The following COL4A5 variants were observed in gnomAD, a reference collection of about 807,000 sequenced individuals.
COL4A5 encodes the protein collagen type IV alpha 5 chain.
A neutral mutation model predicts 130.2 loss-of-function variants in COL4A5; 26 were observed. That is an observed-to-expected ratio of 0.20 (90% CI 0.15 to 0.28). The LOEUF (loss-of-function observed/expected upper bound fraction) is 0.28. COL4A5 is among the 10% of genes least tolerant of loss of function. The pLI is 1.00. For missense variants in COL4A5, 1,131 were observed against 1,344.3 expected (o/e 0.84, Z 2.48); for synonymous variants, 496 against 439.6 (o/e 1.13, Z -1.60).
At chrX:108,517,965 G>A (rs190973226) in intron 1 of COL4A5, among the ~76,000 whole-genome samples, 1 of 109,412 alleles carries the variant, frequency 9.1e-6, no homozygotes, top group Admixed American at 9.8e-5. Flanking sequence ...AGTTCTTCTG[G>A]GGAGATATTT....
At chrX:108,570,784 C>T (rs1603279635) in intron 6 of COL4A5, among the ~76,000 whole-genome samples, 1 of 111,257 alleles carries the variant, frequency 9.0e-6, no homozygotes, top group Non-Finnish European at 1.9e-5. Flanking sequence ...CTAGGATTAC[C>T]GTGGCATACA....
intron 49 of COL4A5, chrX:108,689,471 A>G (rs2068610159): frequency 2.3e-5 from 17 of 750,317 alleles, no homozygotes; most frequent in Non-Finnish European, 2.7e-5. Flanking sequence ...GAATCCATGT[A>G]TTTTCTCTAA....
rs192335828 is a variant in COL4A5, at chrX:108,573,708, C to T, written c.546+54C>T. On this transcript the variant is annotated intron_variant, in intron 9 of 52. Coordinates refer to ENST00000328300, the MANE Select transcript of COL4A5 (RefSeq NM_033380.3). ...CTATATTGATTAAACCAGAAGATTA[C>T]AACAATCCCTCAACCTTTAGTACTC... 1.7e-4 allele frequency: 136 copies of T among 821,250 alleles called. 1 individual carries two copies. In the East Asian group the frequency reaches 4.0e-3, roughly 24 times the overall value. 67.7% of individuals were successfully genotyped at this position (821,250 alleles called of 1,213,427 possible). A position where few individuals can be genotyped will look rare whatever the true frequency, so the allele number is the denominator to read the frequency against.
chrX:108,640,637 G>A (rs976076206), intron 36 of COL4A5, among the ~76,000 whole-genome samples: 6 of 111,189 alleles, frequency 5.4e-5, no homozygotes, highest in Non-Finnish European at 1.1e-4. Flanking sequence ...CGTTTGGGTT[G>A]ATAAAAAAAA....
At chrX:108,618,926 A>G (rs888491586) in intron 30 of COL4A5, among the ~76,000 whole-genome samples, 4 of 110,852 alleles carry the variant, frequency 3.6e-5, no homozygotes, top group Admixed American at 2.9e-4. Context: ...CCCTTATTTT[A>G]TAGAACTGCT....
intron 26 of COL4A5, 44 bp from the exon 27 acceptor site, chrX:108,601,841 T>TAATTGAAG (rs1462417215): frequency 1.2e-6 from 1 of 833,336 alleles, no homozygotes; most frequent in African/African-American, 2.1e-5. Context: ...TGATGGCTTC[T>TAATTGAAG]TTCTTTGAAC....
At chrX:108,648,274 C>CA in intron 36 of COL4A5, among the ~76,000 whole-genome samples, 1 of 109,794 alleles carries the variant, frequency 9.1e-6, no homozygotes, top group Admixed American at 9.7e-5. Flanking sequence ...AAATTACCAA[C>CA]AAAAAAAAGT....
At chrX:108,449,131 C>T (rs1350903941) in intron 1 of COL4A5, among the ~76,000 whole-genome samples, 1 of 111,873 alleles carries the variant, frequency 8.9e-6, no homozygotes, top group Non-Finnish European at 1.9e-5. Flanking sequence ...CGGACATAAA[C>T]GTAGAGTTAG....
intron 1 of COL4A5, among the ~76,000 whole-genome samples, chrX:108,448,522 TG>T (rs1569470868): frequency 9.0e-6 from 1 of 111,464 alleles, no homozygotes; most frequent in Non-Finnish European, 1.9e-5. Flanking sequence ...GTATTAGGAG[TG>T]GGACATGACT....
intron 1 of COL4A5, among the ~76,000 whole-genome samples, chrX:108,538,324 T>A (rs1241853890): frequency 1.8e-5 from 2 of 112,028 alleles, no homozygotes; most frequent in Non-Finnish European, 1.9e-5. Flanking sequence ...CCCCCAAACA[T>A]CTATGAATAA....
At chrX:108,659,090 C>T (rs1480033886) in intron 37 of COL4A5, among the ~76,000 whole-genome samples, 1 of 110,969 alleles carries the variant, frequency 9.0e-6, no homozygotes, top group Non-Finnish European at 1.9e-5. Flanking sequence ...TGTTCTTTTG[C>T]GTTTTTCCTT....
At chrX:108,474,014 A>G (rs1193594165) in intron 1 of COL4A5, among the ~76,000 whole-genome samples, 1 of 111,573 alleles carries the variant, frequency 9.0e-6, no homozygotes, top group Admixed American at 9.6e-5. Context: ...AGCTAAAACA[A>G]TTCTAAAAAG....
At chrX:108,538,883 T>G (rs1429733724) in intron 1 of COL4A5, among the ~76,000 whole-genome samples, 1 of 111,946 alleles carries the variant, frequency 8.9e-6, no homozygotes, top group African/African-American at 3.2e-5. Context: ...TGGAGGAGGA[T>G]ATTTTTCTGG....
chrX:108,530,212 C>T (rs2065366888), intron 1 of COL4A5, among the ~76,000 whole-genome samples: 1 of 111,357 alleles, frequency 9.0e-6, no homozygotes, highest in South Asian at 3.8e-4. Flanking sequence ...CTTTTCAGAC[C>T]ACTTTGGAAT....
At chrX:108,555,895 T>C (rs1016497499) in intron 2 of COL4A5, among the ~76,000 whole-genome samples, 12 of 112,275 alleles carry the variant, frequency 1.1e-4, no homozygotes, top group African/African-American at 3.6e-4. Context: ...TACATGTTTT[T>C]AACTTTTGAC....
intron 36 of COL4A5, among the ~76,000 whole-genome samples, chrX:108,628,864 G>A (rs181419190): frequency 2.8e-4 from 31 of 111,880 alleles, no homozygotes; most frequent in Non-Finnish European, 5.3e-4. Context: ...GAACAAAACA[G>A]ACAAACTTTT....
At chrX:108,600,248 T>C (rs760719428) in intron 25 of COL4A5, among the ~76,000 whole-genome samples, 2 of 112,067 alleles carry the variant, frequency 1.8e-5, no homozygotes, top group African/African-American at 6.5e-5. Context: ...TAGTTACCTA[T>C]GTATTTTGCG....
At position 108,481,037 on chromosome X, in the gene COL4A5, A is replaced by G. The variant is rs2064884716; in HGVS notation, c.81+40831A>G. 2.7e-5 allele frequency among the ~76,000 whole-genome samples: 3 copies of G among 111,747 alleles called. No homozygotes were observed. The Admixed American group carries it at 2.8e-4, about 11-fold the overall frequency. On this transcript the variant is annotated intron_variant, in intron 1 of 52. Transcript: ENST00000328300. Reference sequence around the variant, plus strand: ...GTTCTGCCAGCTGCCAAGTATGTCTATGCCAATTATGCATTCCAGAACTGG... The same window carrying G: ...GTTCTGCCAGCTGCCAAGTATGTCTGTGCCAATTATGCATTCCAGAACTGG...
rs1415518122 is a variant in COL4A5 at position 108,621,863 on chromosome X, C to G, written c.2738C>G (p.Pro913Arg). 1.7e-6 allele frequency: 2 copies of G among 1,206,543 alleles called. No homozygotes were observed. Among genetic ancestry groups the G allele is most frequent in the Non-Finnish European group, 2.2e-6 (2 of 892,239 alleles). The change falls in exon 32 of 53, where the codon CCT (proline) becomes CGT (arginine). Residue 913 changes from proline (P) to arginine (R), a missense_variant. Physicochemically the swap from Pro to Arg is moderately radical, Grantham distance 103. Coordinates refer to ENST00000328300, the MANE Select transcript of COL4A5 (RefSeq NM_033380.3). ...PPGPPGPLGI[P>R]GRSGVPGLKG... ...GGCCCACCAGGACCTTTGGGAATTC[C>G]TGGCAGGAGTGGTGTACCTGGTCTT...
Sources: allele counts gnomAD v4.1 joint callset (sites outside exome capture counted in the v4.1 genomes callset), GRCh38; gene constraint gnomAD v4.1.1; transcripts MANE v1.5; gene names NCBI Gene and HGNC (gene_info 2026-07-23, HGNC 2026-07-21).